Variants in MUC7 observed in about 807,000 individuals in gnomAD.
MUC7 encodes mucin 7, secreted.
MUC7 carries 2 observed loss-of-function variants against 2.5 expected under a neutral mutation model. The ratio of observed to expected loss-of-function variants is 0.81; its 90% CI spans 0.33 to 2.55. The LOEUF is 2.55. Among genes scored for constraint, MUC7 ranks in the 30% most tolerant of loss-of-function variants. The probability of loss-of-function intolerance (pLI) is 0.11; values close to 1 mark genes in which losing one functional copy is unlikely to be tolerated. For synonymous variants in MUC7, 133 were observed against 173.4 expected (o/e 0.77, Z 1.83); for missense variants, 408 against 455.6 (o/e 0.90, Z 0.95).
intron 1 of MUC7, among the ~76,000 whole-genome samples, chr4:70,455,447 T>A (rs113490875): frequency 0.038 from 5,715 of 152,330 alleles, 175 homozygotes; most frequent in Non-Finnish European, 0.057. Flanking sequence ...AATATTTATG[T>A]TTAATTTCCT....
chr4:70,456,952 T>A (rs138903601), intron 1 of MUC7, among the ~76,000 whole-genome samples: 320 of 152,230 alleles, frequency 2.1e-3, no homozygotes, highest in Middle Eastern at 3.4e-3. Context: ...CAATAGACCA[T>A]GCCCAAAATT....
intron 1 of MUC7, among the ~76,000 whole-genome samples, chr4:70,438,491 T>G (rs1368889628): frequency 6.6e-6 from 1 of 151,534 alleles, no homozygotes; most frequent in Admixed American, 6.6e-5. Context: ...AGAGTCTCAC[T>G]CTGTCACCAG....
intron 1 of MUC7, among the ~76,000 whole-genome samples, chr4:70,442,070 A>G (rs1301143537): frequency 3.9e-5 from 6 of 152,248 alleles, no homozygotes. Context: ...AAAGATATTT[A>G]GAAATTCAAG....
At position 70,449,380 on chromosome 4, in the gene MUC7, G is replaced by A. The variant is rs145534232; in HGVS notation, c.-93+18693G>A. On this transcript the variant is annotated intron_variant, in intron 1 of 3. Coordinates refer to the MUC7 transcript ENST00000413702. ...GGAGAATGAGAACCAACCGAAAGGG[G>A]TTTCCCCTTAAAAAACCACTAGATC... Among the ~76,000 whole-genome samples, 1,461 of 152,186 alleles carry A rather than the reference G, an allele frequency of 9.6e-3. 11 individuals carry two copies. The highest frequency in any genetic ancestry group is 0.033 in the South Asian group (157 of 4,814).
At chr4:70,472,547 G>A (rs1171642178) in intron 1 of MUC7, among the ~76,000 whole-genome samples, 6 of 152,112 alleles carry the variant, frequency 3.9e-5, no homozygotes, top group Middle Eastern at 3.2e-3. Flanking sequence ...TAACCATTTC[G>A]TTTTTCAATT....
At chr4:70,435,166 A>T (rs936063605) in intron 1 of MUC7, among the ~76,000 whole-genome samples, 7 of 152,328 alleles carry the variant, frequency 4.6e-5, no homozygotes, top group African/African-American at 1.4e-4. Flanking sequence ...AATGGTGCTG[A>T]GAAGAATGTA....
intron 1 of MUC7, among the ~76,000 whole-genome samples, chr4:70,457,902 C>T (rs11932640): frequency 0.34 from 51,636 of 151,842 alleles, 9,689 homozygotes; most frequent in Admixed American, 0.43. Context: ...AAAATTTTAT[C>T]AACTTTTCCA....
intron 1 of MUC7, among the ~76,000 whole-genome samples, chr4:70,443,733 A>C (rs1447402515): frequency 6.6e-6 from 1 of 152,180 alleles, no homozygotes; most frequent in Non-Finnish European, 1.5e-5. Flanking sequence ...AAACTCAAGC[A>C]AAAACTTATA....
chr4:70,438,719 A>C lies in MUC7; in HGVS notation c.-93+8032A>C, dbSNP rs1056861447. Among the ~76,000 whole-genome samples, 7 of 152,206 alleles carry C rather than the reference A, an allele frequency of 4.6e-5. 1 individual carries two copies. Among genetic ancestry groups the C allele is most frequent in the African/African-American group, 1.4e-4 (6 of 41,530 alleles). ...ATAATCCACCCGCCTCCACCTCCCA[A>C]AGTGCTGGGATTACAGGCATGAGCC... On this transcript the variant is annotated intron_variant, in intron 1 of 3. Coordinates refer to the MUC7 transcript ENST00000413702.
rs552656645 is a variant in MUC7 at position 70,452,745 on chromosome 4, A to G, written c.-92-19470A>G. Reference sequence around the variant, plus strand: ...TATACATCACAATTACAGTGTTACAATACTCTATGTTCTCCTGTGTATTTT... The same window carrying G: ...TATACATCACAATTACAGTGTTACAGTACTCTATGTTCTCCTGTGTATTTT... On this transcript the variant is annotated intron_variant, in intron 1 of 3. Coordinates refer to the MUC7 transcript ENST00000413702. 1.6e-4 allele frequency among the ~76,000 whole-genome samples: 24 copies of G among 152,292 alleles called. No individual in the cohort carries two copies. In the South Asian group the frequency reaches 5.0e-3, roughly 32 times the overall value.
At chr4:70,461,055 C>G (rs1734545106) in intron 1 of MUC7, among the ~76,000 whole-genome samples, 1 of 152,134 alleles carries the variant, frequency 6.6e-6, no homozygotes, top group Non-Finnish European at 1.5e-5. Context: ...TCTAACTTAC[C>G]CTTTGCTCTC....
At chr4:70,455,048 C>G (rs774246490) in intron 1 of MUC7, among the ~76,000 whole-genome samples, 1 of 152,026 alleles carries the variant, frequency 6.6e-6, no homozygotes, top group Non-Finnish European at 1.5e-5. Context: ...ATTTTTTTAG[C>G]ATTCCAAGGC....
intron 1 of MUC7, among the ~76,000 whole-genome samples, chr4:70,451,772 G>C (rs762761737): frequency 2.0e-5 from 3 of 152,008 alleles, no homozygotes; most frequent in Admixed American, 1.3e-4. Context: ...ATATGTATTA[G>C]GTCTATTTGT....
chr4:70,434,801 G>C (rs1399652075), intron 1 of MUC7, among the ~76,000 whole-genome samples: 4 of 151,886 alleles, frequency 2.6e-5, no homozygotes, highest in Admixed American at 6.6e-5. Context: ...GTGATGTGAG[G>C]GTGTCGATTT....
chr4:70,452,356 A>G (rs1052963105), intron 1 of MUC7, among the ~76,000 whole-genome samples: 6 of 151,898 alleles, frequency 4.0e-5, no homozygotes, highest in Admixed American at 3.3e-4. Flanking sequence ...TCTTCCTTTT[A>G]GTGAAGATGA....
chr4:70,480,091 A>G (rs759408679), intron 2 of MUC7, among the ~76,000 whole-genome samples: 1 of 152,232 alleles, frequency 6.6e-6, no homozygotes, highest in Admixed American at 6.5e-5. Context: ...TTCAGAAATC[A>G]TGAAAACCAT....
intron 1 of MUC7, among the ~76,000 whole-genome samples, chr4:70,435,051 A>G (rs1045312549): frequency 1.3e-5 from 2 of 152,062 alleles, no homozygotes; most frequent in Non-Finnish European, 2.9e-5. Flanking sequence ...TTCTAGTTTG[A>G]TTGCACTGTG....
intron 1 of MUC7, among the ~76,000 whole-genome samples, chr4:70,439,870 T>C (rs1322664344): frequency 6.6e-6 from 1 of 152,114 alleles, no homozygotes; most frequent in Non-Finnish European, 1.5e-5. Context: ...AAATTTCACT[T>C]ATTTTAGAAA....
chr4:70,433,759 A>G (rs1182932415), intron 1 of MUC7, among the ~76,000 whole-genome samples: 1 of 152,170 alleles, frequency 6.6e-6, no homozygotes, highest in African/African-American at 2.4e-5. Context: ...TTCCAACACT[A>G]TGTTGAATAG....
Sources: gnomAD v4.1 joint callset for allele counts (sites outside exome capture counted in the v4.1 genomes callset) on GRCh38, gnomAD v4.1.1 for gene constraint, MANE v1.5 for transcripts, NCBI Gene and HGNC (gene_info 2026-07-23, HGNC 2026-07-21) for gene names.